The following PHF24 variants were observed in gnomAD, a reference collection of about 807,000 sequenced individuals.
The protein encoded by PHF24 is Galpha inhibitory interacting protein.
In PHF24, 25 loss-of-function variants were observed where a neutral mutation model predicts 42.6. The ratio of observed to expected loss-of-function variants is 0.59; its 90% confidence interval spans 0.43 to 0.82. PHF24 has a LOEUF of 0.82. PHF24 is among the 40% of genes least tolerant of loss of function. The pLI is 0.00. For missense variants in PHF24, 470 were observed against 538.1 expected (o/e 0.87, Z 1.25); for synonymous variants, 185 against 204.8 (o/e 0.90, Z 0.83).
the PHF24 span, among the ~76,000 whole-genome samples, chr9:34,713,692 T>A: frequency 1.3e-5 from 2 of 152,276 alleles, no homozygotes; most frequent in South Asian, 4.1e-4. Context: ...CCATTTGGAG[T>A]TTATTATGGT....
At chr9:34,966,827 G>C (rs1319997661) in intron 1 of PHF24, among the ~76,000 whole-genome samples, 1 of 151,980 alleles carries the variant, frequency 6.6e-6, no homozygotes, top group Non-Finnish European at 1.5e-5. Flanking sequence ...TCAGCCTCCC[G>C]AGTAGCTGGG....
the PHF24 span, among the ~76,000 whole-genome samples, chr9:34,680,674 C>A: frequency 7.4e-6 from 1 of 135,594 alleles, no homozygotes; most frequent in African/African-American, 2.7e-5. Flanking sequence ...GGCGACAGAG[C>A]GAGACTCCGT....
At chr9:34,925,994 G>A in the PHF24 span, among the ~76,000 whole-genome samples, 1 of 152,188 alleles carries the variant, frequency 6.6e-6, no homozygotes, top group Non-Finnish European at 1.5e-5. Context: ...GGGGTGTACT[G>A]GCCTTGGTTT....
At chr9:34,738,346 T>A in the PHF24 span, among the ~76,000 whole-genome samples, 40 of 151,810 alleles carry the variant, frequency 2.6e-4, no homozygotes, top group Non-Finnish European at 4.9e-4. Flanking sequence ...TTAGACTTTT[T>A]AATTTTTTTT....
At chr9:34,973,897 GAC>G (rs1198021541) in intron 3 of PHF24, among the ~76,000 whole-genome samples, 7 of 152,164 alleles carry the variant, frequency 4.6e-5, no homozygotes, top group Non-Finnish European at 1.0e-4. Flanking sequence ...CCAGCTTCCT[GAC>G]ACAGTCCTAC....
At chr9:34,705,358 A>G in the PHF24 span, among the ~76,000 whole-genome samples, 3 of 152,092 alleles carry the variant, frequency 2.0e-5, no homozygotes, top group Admixed American at 2.0e-4. Context: ...CTCACTTTTT[A>G]GCCCAGGCTA....
At chr9:34,885,662 C>T in the PHF24 span, among the ~76,000 whole-genome samples, 2 of 152,122 alleles carry the variant, frequency 1.3e-5, no homozygotes, top group Non-Finnish European at 2.9e-5. Context: ...TCCTTTACCT[C>T]ACTAAGCACT....
the PHF24 span, among the ~76,000 whole-genome samples, chr9:34,821,498 G>T: frequency 2.0e-5 from 3 of 152,192 alleles, no homozygotes; most frequent in African/African-American, 7.2e-5. Flanking sequence ...AAGCAGAAGT[G>T]AGGTAGCAGC....
the PHF24 span, among the ~76,000 whole-genome samples, chr9:34,883,509 A>C: frequency 1.3e-5 from 2 of 152,232 alleles, no homozygotes; most frequent in African/African-American, 4.8e-5. Flanking sequence ...AACTCAAACA[A>C]ATTTACAAGA....
At chr9:34,739,481 G>T in the PHF24 span, among the ~76,000 whole-genome samples, 1 of 152,128 alleles carries the variant, frequency 6.6e-6, no homozygotes, top group Non-Finnish European at 1.5e-5. Flanking sequence ...TATGTGTCCG[G>T]AATTGGTGGG....
At chr9:34,837,028 AGGCTG>A in the PHF24 span, 1 of 470,374 alleles carries the variant, frequency 2.1e-6, no homozygotes, top group Non-Finnish European at 4.4e-6. Context: ...ACCACAGGCC[AGGCTG>A]GTGTTTAGAG....
At position 34,971,675 on chromosome 9, in the gene PHF24, C is replaced by T. The variant is rs546701899; in HGVS notation, c.377C>T (p.Pro126Leu). Residue 126 changes from proline to leucine, a missense_variant and splice_region_variant, in exon 2 of 8, where the codon CCT becomes CTT. Physicochemically the swap from Pro to Leu is moderately conservative, Grantham distance 98. Transcript: ENST00000242315. ...GAAATCTGCCTGGAGCCCAGAGAGC[C>T]TGTGAGTATCCAGTTAGGACAGGAT... 5.6e-6 allele frequency: 9 copies of T among 1,605,520 alleles called. No homozygotes were observed. The Admixed American group carries it at 1.2e-4, about 21-fold the overall frequency.
the PHF24 span, among the ~76,000 whole-genome samples, chr9:34,885,975 G>A: frequency 2.6e-5 from 4 of 151,728 alleles, no homozygotes; most frequent in South Asian, 6.3e-4. Flanking sequence ...CTCCTCACTC[G>A]TCCCTCTGGG....
At chr9:34,886,834 G>GTATCTACCTATC in the PHF24 span, among the ~76,000 whole-genome samples, 1 of 148,694 alleles carries the variant, frequency 6.7e-6, no homozygotes, top group South Asian at 2.2e-4. Flanking sequence ...ATGTATCTAT[G>GTATCTACCTATC]TATCTATCTA....
chr9:34,671,807 TCATC>T, the PHF24 span, among the ~76,000 whole-genome samples: 36,524 of 149,808 alleles, frequency 0.24, 4,561 homozygotes, highest in East Asian at 0.4. Context: ...TTTTTCTGCC[TCATC>T]CATCCATCCA....
the PHF24 span, among the ~76,000 whole-genome samples, chr9:34,937,392 G>T: frequency 6.6e-6 from 1 of 152,080 alleles, no homozygotes; most frequent in African/African-American, 2.4e-5. Context: ...GTCCACTCAG[G>T]GTTGAATGGA....
chr9:34,823,202 C>CA, the PHF24 span, among the ~76,000 whole-genome samples: 807 of 58,642 alleles, frequency 0.014, 57 homozygotes, highest in East Asian at 0.086. Flanking sequence ...GACTCCGTCT[C>CA]AAAAAAAAAA....
At chr9:34,827,254 G>T in the PHF24 span, among the ~76,000 whole-genome samples, 1 of 152,180 alleles carries the variant, frequency 6.6e-6, no homozygotes, top group African/African-American at 2.4e-5. Flanking sequence ...TCTCCTAGCT[G>T]TGTGGCTGCC....
chr9:34,767,074 A>C, the PHF24 span, among the ~76,000 whole-genome samples: 1 of 152,056 alleles, frequency 6.6e-6, no homozygotes, highest in Admixed American at 6.6e-5. Context: ...TTTGTCTCAG[A>C]GGAGTACCCG....
Sources: allele counts gnomAD v4.1 joint callset (sites outside exome capture counted in the v4.1 genomes callset), GRCh38; gene constraint gnomAD v4.1.1; transcripts MANE v1.5; gene names NCBI Gene and HGNC (gene_info 2026-07-23, HGNC 2026-07-21).